Variants in ZNF503 observed in about 807,000 individuals in gnomAD.
ZNF503 encodes NocA-like zinc finger 2.
Under a neutral mutation model 34.4 loss-of-function variants are expected in ZNF503, and 15 were observed. That is an observed-to-expected ratio of 0.44 (90% CI 0.29 to 0.67). The LOEUF is 0.67. Among genes scored for constraint, ZNF503 ranks in the 30% least tolerant of loss-of-function variants. ZNF503 has a pLI of 0.13. For missense variants in ZNF503, 1,007 were observed against 926.8 expected, an observed-to-expected ratio of 1.09 and a Z score of -1.12; for synonymous variants, 580 against 456.8, an observed-to-expected ratio of 1.27 and a Z score of -3.44.
the ZNF503 span, among the ~76,000 whole-genome samples, chr10:75,329,387 TTCCTTC>T: frequency 1.0e-5 from 1 of 96,106 alleles, no homozygotes; most frequent in African/African-American, 5.6e-5. Flanking sequence ...TCTTTCTTCC[TTCCTTC>T]CTTCCTTCCT....
the ZNF503 span, among the ~76,000 whole-genome samples, chr10:75,322,896 T>C: frequency 5.9e-5 from 9 of 152,194 alleles, no homozygotes; most frequent in Non-Finnish European, 1.3e-4. Context: ...TTGTATTTCA[T>C]TTTGAGTTTT....
chr10:75,340,658 G>T, the ZNF503 span, among the ~76,000 whole-genome samples: 1 of 152,130 alleles, frequency 6.6e-6, no homozygotes, highest in African/African-American at 2.4e-5. Context: ...GAGTGCAATG[G>T]CATGATTTCA....
chr10:75,336,335 C>T, the ZNF503 span, among the ~76,000 whole-genome samples: 1 of 149,268 alleles, frequency 6.7e-6, no homozygotes, highest in Non-Finnish European at 1.5e-5. Context: ...ACATTAGAAA[C>T]TCAATATTTA....
At chr10:75,321,068 C>G in the ZNF503 span, among the ~76,000 whole-genome samples, 106 of 152,188 alleles carry the variant, frequency 7.0e-4, no homozygotes, top group Non-Finnish European at 1.1e-3. Context: ...CCCCCTAGTG[C>G]CATTCTTGTG....
the ZNF503 span, among the ~76,000 whole-genome samples, chr10:75,364,337 C>T: frequency 6.6e-6 from 1 of 152,176 alleles, no homozygotes; most frequent in South Asian, 2.1e-4. Flanking sequence ...TGCTTTCCTT[C>T]CTCCCTGAAA....
At chr10:75,384,875 T>C in the ZNF503 span, among the ~76,000 whole-genome samples, 1 of 152,212 alleles carries the variant, frequency 6.6e-6, no homozygotes, top group Non-Finnish European at 1.5e-5. Flanking sequence ...GTCTTGAGTC[T>C]TCCTCGCTGA....
At chr10:75,342,577 C>T in the ZNF503 span, among the ~76,000 whole-genome samples, 1 of 150,156 alleles carries the variant, frequency 6.7e-6, no homozygotes, top group Non-Finnish European at 1.5e-5. Flanking sequence ...TGACCACAGC[C>T]AAGGAGGATT....
the ZNF503 span, among the ~76,000 whole-genome samples, chr10:75,304,438 G>A: frequency 7.4e-3 from 1,124 of 152,192 alleles, 14 homozygotes; most frequent in African/African-American, 0.026. Flanking sequence ...TCTGTTAATT[G>A]ACCTCCTTTT....
At chr10:75,357,658 A>T in the ZNF503 span, among the ~76,000 whole-genome samples, 3 of 151,622 alleles carry the variant, frequency 2.0e-5, no homozygotes, top group Non-Finnish European at 4.4e-5. Context: ...GCAAATGAGG[A>T]AAGTAATTTC....
Position 75,399,877 on chromosome 10 carries a change from C to T in ZNF503, c.813G>A (p.Ser271=). The change falls in exon 2 of 2, where the codon TCG becomes TCA. Residue 271 remains serine (S), a synonymous_variant. Coordinates refer to ENST00000372524, the MANE Select transcript of ZNF503 (RefSeq NM_032772.6). ...CCAGCCCCGTGGGTCCCCCTTCGGC[C>T]GAGGCGCCCCCGGTGCCCTTGCCAC... ...GGGGKGTGGA[S]AEGGPTGLAH... is the part of the protein sequence containing the mutation. The T allele has an allele frequency of 3.1e-6, 5 of 1,599,982 alleles. No individual in the cohort carries two copies. Among genetic ancestry groups the T allele is most frequent in the Non-Finnish European group, 3.4e-6 (4 of 1,174,938 alleles).
At chr10:75,356,995 A>C in the ZNF503 span, among the ~76,000 whole-genome samples, 1 of 152,200 alleles carries the variant, frequency 6.6e-6, no homozygotes, top group Non-Finnish European at 1.5e-5. Flanking sequence ...CACAAGAAAA[A>C]ACAGGGTTCC....
chr10:75,395,834 G>A (rs1404907128), downstream of ZNF503, among the ~76,000 whole-genome samples: 1 of 152,230 alleles, frequency 6.6e-6, no homozygotes. The surrounding 1 kb of genome is among the most constrained non-coding windows in gnomAD (Gnocchi z 4.4). Context: ...TTTGGGTTGT[G>A]TTGATAAAAT....
At chr10:75,289,948 A>T in the ZNF503 span, among the ~76,000 whole-genome samples, 1 of 152,080 alleles carries the variant, frequency 6.6e-6, no homozygotes. Flanking sequence ...CCTTCTTGAG[A>T]CCTCTTCACC....
the ZNF503 span, among the ~76,000 whole-genome samples, chr10:75,354,554 T>TA: frequency 0.077 from 11,266 of 145,402 alleles, 732 homozygotes; most frequent in African/African-American, 0.18. Flanking sequence ...CTCTACAAAA[T>TA]AAAAAAAAAA....
chr10:75,288,872 GT>G, the ZNF503 span, among the ~76,000 whole-genome samples: 1 of 152,148 alleles, frequency 6.6e-6, no homozygotes, highest in East Asian at 1.9e-4. Context: ...AGGCATCCAT[GT>G]TTTTTTCTGT....
the ZNF503 span, among the ~76,000 whole-genome samples, chr10:75,355,069 T>C: frequency 1.3e-5 from 2 of 152,008 alleles, no homozygotes; most frequent in African/African-American, 2.4e-5. Context: ...GGTCTCAAAC[T>C]CCTGACCTCA....
the ZNF503 span, among the ~76,000 whole-genome samples, chr10:75,291,570 C>T: frequency 1.3e-5 from 2 of 152,108 alleles, no homozygotes; most frequent in Non-Finnish European, 1.5e-5. Flanking sequence ...GTGACTGCAC[C>T]ACCACATTCC....
the ZNF503 span, among the ~76,000 whole-genome samples, chr10:75,357,354 CA>C: frequency 4.8e-3 from 565 of 118,054 alleles, 3 homozygotes; most frequent in African/African-American, 0.012. Context: ...TCCATCTTTA[CA>C]AAAAAAAAAA....
chr10:75,317,305 T>G, the ZNF503 span, among the ~76,000 whole-genome samples: 4 of 126,724 alleles, frequency 3.2e-5, no homozygotes, highest in Admixed American at 1.9e-4. Context: ...TGAGACGGAG[T>G]CTCGCTGTTT....
Sources: gnomAD v4.1 joint callset for allele counts (sites outside exome capture counted in the v4.1 genomes callset) on GRCh38, gnomAD v4.1.1 for gene constraint, Gnocchi (gnomAD v3.1) non-coding constraint, MANE v1.5 for transcripts, NCBI Gene and HGNC (gene_info 2026-07-23, HGNC 2026-07-21) for gene names.